The following MYO3B variants were observed in gnomAD, a reference collection of about 807,000 sequenced individuals.
MYO3B encodes myosin-IIIb.
Under a neutral mutation model 174.6 loss-of-function variants are expected in MYO3B, and 156 were observed. That is an observed-to-expected ratio of 0.89 (90% confidence interval 0.78 to 1.02). The LOEUF (loss-of-function observed/expected upper bound fraction) is 1.02, where lower values mean the gene tolerates loss of function less well. Ranked by LOEUF, MYO3B falls within the 50% of genes least tolerant of loss-of-function variation. The pLI, the probability that MYO3B is intolerant of heterozygous loss-of-function variation, is 0.00. For synonymous variants in MYO3B, 563 were observed against 569.1 expected (o/e 0.99, Z 0.15); for missense variants, 1,632 against 1,639.4 (o/e 1.00, Z 0.08).
intron 14 of MYO3B, among the ~76,000 whole-genome samples, chr2:170,390,209 C>A (rs987184652): frequency 5.9e-5 from 9 of 152,146 alleles, no homozygotes; most frequent in African/African-American, 2.2e-4. Flanking sequence ...GAGGCCAAGG[C>A]AGGAAGATAG....
At chr2:170,544,841 G>T (rs563212508) in intron 32 of MYO3B, among the ~76,000 whole-genome samples, 1 of 152,066 alleles carries the variant, frequency 6.6e-6, no homozygotes, top group African/African-American at 2.4e-5. Context: ...TGATAAACCC[G>T]ACAAAGGAAA....
intron 32 of MYO3B, among the ~76,000 whole-genome samples, chr2:170,598,848 C>T (rs1694308875): frequency 6.6e-6 from 1 of 152,158 alleles, no homozygotes; most frequent in African/African-American, 2.4e-5. Context: ...TGAAATTACC[C>T]ATGTCCAGAG....
intron 6 of MYO3B, among the ~76,000 whole-genome samples, chr2:170,223,109 C>T (rs1386441536): frequency 6.6e-6 from 1 of 152,156 alleles, no homozygotes; most frequent in Non-Finnish European, 1.5e-5. Flanking sequence ...TTCTCTCCTA[C>T]CTACTCTCAG....
At chr2:170,188,066 T>G (rs2092489415) in intron 1 of MYO3B, among the ~76,000 whole-genome samples, 1 of 152,192 alleles carries the variant, frequency 6.6e-6, no homozygotes. Context: ...AAGTGAGGTG[T>G]TGAAGTCTCT....
intron 14 of MYO3B, among the ~76,000 whole-genome samples, chr2:170,389,570 A>T (rs950176868): frequency 8.5e-5 from 13 of 152,230 alleles, no homozygotes; most frequent in African/African-American, 3.1e-4. Flanking sequence ...CTAGGGATGG[A>T]TGTCGGCAGG....
chr2:170,350,145 G>A (rs2094053157), intron 8 of MYO3B, among the ~76,000 whole-genome samples: 1 of 151,994 alleles, frequency 6.6e-6, no homozygotes, highest in African/African-American at 2.4e-5. Flanking sequence ...GGGATTACAG[G>A]CACGTGCACA....
intron 16 of MYO3B, among the ~76,000 whole-genome samples, chr2:170,398,973 TG>T (rs1247194949): frequency 6.6e-6 from 1 of 151,686 alleles, no homozygotes; most frequent in African/African-American, 2.4e-5. Flanking sequence ...TGGTCAGGAG[TG>T]GTGGCTCACG....
At chr2:170,487,897 G>A (rs527288130) in intron 25 of MYO3B, among the ~76,000 whole-genome samples, 1 of 152,172 alleles carries the variant, frequency 6.6e-6, no homozygotes, top group Admixed American at 6.5e-5. Flanking sequence ...ATCTAAAATG[G>A]TGATTCTTCT....
At chr2:170,515,873 G>A (rs1688271351) in intron 29 of MYO3B, among the ~76,000 whole-genome samples, 1 of 152,218 alleles carries the variant, frequency 6.6e-6, no homozygotes, top group Non-Finnish European at 1.5e-5. Flanking sequence ...CTTGGGGCAA[G>A]GAGGTTAGAA....
At chr2:170,398,572 T>C (rs1286819863) in intron 16 of MYO3B, among the ~76,000 whole-genome samples, 1 of 152,198 alleles carries the variant, frequency 6.6e-6, no homozygotes, top group Non-Finnish European at 1.5e-5. Context: ...CTCTCCATCC[T>C]AAAGCTATCT....
intron 25 of MYO3B, among the ~76,000 whole-genome samples, chr2:170,468,625 C>A (rs1411559199): frequency 6.6e-6 from 1 of 152,110 alleles, no homozygotes; most frequent in African/African-American, 2.4e-5. Context: ...AGAGGGTGTC[C>A]CCAACATCCT....
chr2:170,401,837 C>G, intron 18 of MYO3B, 146 bp downstream of exon 18: 1 of 754,362 alleles, frequency 1.3e-6, no homozygotes, highest in Non-Finnish European at 2.0e-6. Context: ...GAGTCTCACG[C>G]TGTTGCCCAG....
chr2:170,524,577 G>A (rs187369257), intron 30 of MYO3B: 159 of 415,182 alleles, frequency 3.8e-4, no homozygotes, highest in African/African-American at 3.0e-3. Context: ...TCCGCCCTCT[G>A]GGTTCAAGTG....
chr2:170,203,717 G>A (rs955743871), intron 3 of MYO3B, among the ~76,000 whole-genome samples: 8 of 152,100 alleles, frequency 5.3e-5, no homozygotes, highest in Admixed American at 3.9e-4. Flanking sequence ...ATACTCTGAC[G>A]GACTCAAATG....
intron 30 of MYO3B, among the ~76,000 whole-genome samples, chr2:170,521,671 C>T (rs1387565624): frequency 6.6e-6 from 1 of 152,146 alleles, no homozygotes; most frequent in Non-Finnish European, 1.5e-5. Context: ...CCTGCTTTCC[C>T]ATCTTTTACA....
chr2:170,623,542 T>C (rs1575273018), intron 32 of MYO3B, among the ~76,000 whole-genome samples: 1 of 152,310 alleles, frequency 6.6e-6, no homozygotes, highest in East Asian at 1.9e-4. Context: ...ACTCTGATGG[T>C]AGTTTCTTTT....
intron 20 of MYO3B, among the ~76,000 whole-genome samples, chr2:170,405,266 G>C (rs116143374): frequency 3.3e-4 from 50 of 152,262 alleles, no homozygotes; most frequent in African/African-American, 1.2e-3. Context: ...TAACTGGCAG[G>C]GCCTCTGGTG....
At chr2:170,237,142 G>A (rs1289575551) in intron 7 of MYO3B, among the ~76,000 whole-genome samples, 1 of 152,136 alleles carries the variant, frequency 6.6e-6, no homozygotes, top group Non-Finnish European at 1.5e-5. Flanking sequence ...ACAAAAACAG[G>A]TCACAGCGAT....
chr2:170,594,369 G>A lies in MYO3B; in HGVS notation c.3733+50381G>A, dbSNP rs549884608. ...AGAGCGGAGATGAGAGATGAGGAGA[G>A]GAGAGACTCTAGGCTTGCAGGGGAC... On this transcript the variant is annotated intron_variant, in intron 32 of 34. Transcript: ENST00000408978. Among the ~76,000 whole-genome samples the A allele has an allele frequency of 2.0e-5, 3 of 152,286 alleles. No homozygotes were observed. The East Asian group carries it at 5.8e-4, about 29-fold the overall frequency.
Sources: allele counts gnomAD v4.1 joint callset (sites outside exome capture counted in the v4.1 genomes callset), GRCh38; gene constraint gnomAD v4.1.1; transcripts MANE v1.5; gene names NCBI Gene and HGNC (gene_info 2026-07-23, HGNC 2026-07-21).